Variants in ANKRD12 observed in about 807,000 individuals in gnomAD.
ANKRD12 encodes the protein ankyrin repeat domain 12, also known as ankyrin repeat domain-containing protein 12.
Under a neutral mutation model 183.4 loss-of-function variants are expected in ANKRD12, and 85 were observed. The observed-to-expected ratio is 0.46, with a 90% confidence interval of 0.39 to 0.56. ANKRD12 has a LOEUF of 0.56. Among genes scored for constraint, ANKRD12 ranks in the 20% least tolerant of loss-of-function variants. The pLI is 0.00. For missense variants in ANKRD12, 2,405 were observed against 2,357.1 expected, an observed-to-expected ratio of 1.02 and a Z score of -0.42; for synonymous variants, 914 against 800.2, an observed-to-expected ratio of 1.14 and a Z score of -2.40.
rs1461711238 is a variant in ANKRD12, at chr18:9,284,416, T to C, written c.*3290T>C. On this transcript the variant is annotated 3_prime_UTR_variant, in exon 13 of 13. Coordinates refer to ENST00000262126, the MANE Select transcript of ANKRD12 (RefSeq NM_015208.5). Reference sequence around the variant, plus strand: ...AAAGAAAATTATTGTCTCTGATATCTTAAAACATAAAAACCCAAAATTTTA... The same window carrying C: ...AAAGAAAATTATTGTCTCTGATATCCTAAAACATAAAAACCCAAAATTTTA... The C allele has an allele frequency of 6.6e-6, 1 of 152,178 alleles. No homozygotes were observed. The highest frequency in any genetic ancestry group is 1.5e-5 in the Non-Finnish European group (1 of 68,032). 9.4% of individuals were successfully genotyped at this position (152,178 alleles called of 1,614,324 possible). A position where few individuals can be genotyped will look rare whatever the true frequency, so the allele number is the denominator to read the frequency against.
In ANKRD12 at chr18:9,256,250, G is replaced by T; in HGVS notation, c.2983G>T (p.Glu995Ter). Residue 995 changes from glutamate to a stop codon, truncating the protein, a stop_gained, in exon 9 of 13, where the codon GAA becomes TAA. Transcript: ENST00000262126. LOFTEE classifies it high-confidence loss of function. ...SIVDGNKAQH[E>*]KPLSLKEKTK... ...AGTAGACGGTAATAAAGCACAACAT[G>T]AAAAACCCTTATCCCTTAAAGAAAA... 1 of 1,602,314 alleles carries T rather than the reference G, an allele frequency of 6.2e-7. No homozygotes were observed. Among genetic ancestry groups the T allele is most frequent in the South Asian group, 1.1e-5 (1 of 88,054 alleles).
chr18:9,159,253 A>G (rs971662700), intron 1 of ANKRD12, among the ~76,000 whole-genome samples: 24 of 152,168 alleles, frequency 1.6e-4, no homozygotes, highest in Non-Finnish European at 3.1e-4. Context: ...TTCTATATAC[A>G]TATCTATAAT....
intron 2 of ANKRD12, among the ~76,000 whole-genome samples, chr18:9,187,096 CT>C (rs781553213): frequency 7.2e-5 from 11 of 152,250 alleles, no homozygotes; most frequent in Admixed American, 3.9e-4. Flanking sequence ...TTGAAGTCAA[CT>C]TCTGGGTTCT....
At chr18:9,222,700 C>T (rs563299242) in intron 8 of ANKRD12, among the ~76,000 whole-genome samples, 100 of 152,126 alleles carry the variant, frequency 6.6e-4, no homozygotes, top group Non-Finnish European at 1.2e-3. Flanking sequence ...AAAAACCATA[C>T]TTCACTCATT....
intron 1 of ANKRD12, among the ~76,000 whole-genome samples, chr18:9,146,045 T>C (rs1055095422): frequency 5.3e-5 from 8 of 152,216 alleles, no homozygotes; most frequent in African/African-American, 1.9e-4. Context: ...GGCACTGAAA[T>C]AGGTCTCTTC....
rs560678255 is a variant in ANKRD12 at position 9,262,325 on chromosome 18, T to C, written c.5665-1465T>C. On this transcript the variant is annotated intron_variant, in intron 9 of 12. Transcript: ENST00000262126. The stretch of plus-strand genomic sequence containing the variant: ...CAAAACATGCTAAGATATCTTACTT[T>C]GCCATAATATGCTGGCAGTAATTAT... Among the ~76,000 whole-genome samples the C allele has an allele frequency of 1.4e-3, 207 of 152,332 alleles. 1 individual carries two copies. The highest frequency in any genetic ancestry group is 2.5e-3 in the Non-Finnish European group (169 of 68,026).
At chr18:9,245,477 A>G (rs1438622628) in intron 8 of ANKRD12, among the ~76,000 whole-genome samples, 1 of 152,094 alleles carries the variant, frequency 6.6e-6, no homozygotes, top group Non-Finnish European at 1.5e-5. Flanking sequence ...TAAAAAGACC[A>G]GTTTATAATC....
intron 2 of ANKRD12, among the ~76,000 whole-genome samples, chr18:9,183,174 C>G (rs1379373557): frequency 1.3e-5 from 2 of 152,178 alleles, no homozygotes; most frequent in Non-Finnish European, 2.9e-5. Context: ...CTTTCAAAAT[C>G]AGGAAGTGTA....
chr18:9,160,214 C>T (rs2031216510), intron 1 of ANKRD12, among the ~76,000 whole-genome samples: 2 of 152,172 alleles, frequency 1.3e-5, no homozygotes, highest in African/African-American at 4.8e-5. Context: ...TACGTGGACT[C>T]AGGTGATCCT....
Position 9,189,308 on chromosome 18 carries a change from A to G in ANKRD12, c.88-6243A>G, listed in dbSNP as rs111682369. On this transcript the variant is annotated intron_variant, in intron 2 of 12. Coordinates refer to ENST00000262126, the MANE Select transcript of ANKRD12 (RefSeq NM_015208.5). ...TGCAGAAGAAAAGTCTGAAGCTAGCATAAGTTGGTTCATGAGGTTTAAGGA... is the reference window on the plus strand; with the variant it reads ...TGCAGAAGAAAAGTCTGAAGCTAGCGTAAGTTGGTTCATGAGGTTTAAGGA... Among the ~76,000 whole-genome samples, 615 of 152,324 alleles carry G rather than the reference A, an allele frequency of 4.0e-3. 3 individuals are homozygous for G. The highest frequency in any genetic ancestry group is 0.014 in the African/African-American group (579 of 41,570).
chr18:9,156,829 A>G (rs776638059), intron 1 of ANKRD12, among the ~76,000 whole-genome samples: 5 of 152,230 alleles, frequency 3.3e-5, no homozygotes, highest in Non-Finnish European at 7.3e-5. Flanking sequence ...GACACATGCT[A>G]CAGCATGTGT....
chr18:9,157,221 G>A (rs954712617), intron 1 of ANKRD12, among the ~76,000 whole-genome samples: 2 of 152,070 alleles, frequency 1.3e-5, no homozygotes, highest in African/African-American at 4.8e-5. Context: ...ACTAGCCTCT[G>A]TAAATGTACT....
At chr18:9,243,483 A>G (rs1475254667) in intron 8 of ANKRD12, among the ~76,000 whole-genome samples, 3 of 152,182 alleles carry the variant, frequency 2.0e-5, no homozygotes, top group African/African-American at 7.2e-5. Context: ...ATGAACAAAC[A>G]CAACGGTTGA....
chr18:9,138,586 C>T (rs2078210610), intron 1 of ANKRD12, among the ~76,000 whole-genome samples: 2 of 152,172 alleles, frequency 1.3e-5, no homozygotes, highest in Admixed American at 6.5e-5. Flanking sequence ...AAATCTTGGG[C>T]ACTGATCTGA....
intron 9 of ANKRD12, among the ~76,000 whole-genome samples, chr18:9,262,396 AAG>A (rs1202646819): frequency 6.6e-6 from 1 of 152,212 alleles, no homozygotes; most frequent in African/African-American, 2.4e-5. Context: ...GGGGTAGAAA[AAG>A]AGTAGGGATC....
At chr18:9,238,582 C>G (rs796261927) in intron 8 of ANKRD12, among the ~76,000 whole-genome samples, 1 of 152,174 alleles carries the variant, frequency 6.6e-6, no homozygotes, top group Non-Finnish European at 1.5e-5. Context: ...TTCCTTCTTT[C>G]AATTATTCAA....
chr18:9,230,125 C>G (rs1178808255), intron 8 of ANKRD12, among the ~76,000 whole-genome samples: 1 of 152,154 alleles, frequency 6.6e-6, no homozygotes. Context: ...GTGAGTCCAT[C>G]TGGTCCCCAG....
chr18:9,140,239 G>C (rs1203281845), intron 1 of ANKRD12, among the ~76,000 whole-genome samples: 2 of 152,140 alleles, frequency 1.3e-5, no homozygotes, highest in African/African-American at 4.8e-5. Context: ...TCTATACAAC[G>C]TGGTGATGTT....
chr18:9,204,494 C>A lies in ANKRD12; in HGVS notation c.254C>A (p.Thr85Lys). The A allele has an allele frequency of 6.2e-7, 1 of 1,602,446 alleles. No individual in the cohort carries two copies. Among genetic ancestry groups the A allele is most frequent in the East Asian group, 2.2e-5 (1 of 44,492 alleles). Residue 85 changes from threonine to lysine, a missense_variant, in exon 4 of 13, where the codon ACA becomes AAA. Thr to Lys is a moderately conservative substitution (Grantham distance 78). This residue lies in a region of ANKRD12 where 145 missense variants were observed against 145.6 expected (regional missense o/e 1.00). Transcript: ENST00000262126. ...TCTGTAGATTCAGATCCAGGACATA[C>A]AAGTGAAAATTGGGGGGAGAGACTT... is the stretch of plus-strand genomic sequence containing the variant. The part of the protein sequence containing the change: ...DSDTDSDPGH[T>K]SENWGERLIS...
Sources: gnomAD v4.1 joint callset for allele counts (sites outside exome capture counted in the v4.1 genomes callset) on GRCh38, gnomAD v4.1.1 for gene constraint, gnomAD v4.1.1 regional missense constraint, MANE v1.5 for transcripts, NCBI Gene and HGNC (gene_info 2026-07-23, HGNC 2026-07-21) for gene names.